Variants in ECE1 observed in about 807,000 individuals in gnomAD.
ECE1 encodes the protein endothelin-converting enzyme 1.
Under a neutral mutation model 98.6 loss-of-function variants are expected in ECE1, and 35 were observed. The ratio of observed to expected loss-of-function variants is 0.35; its 90% CI spans 0.27 to 0.47. ECE1 has a LOEUF of 0.47. Among genes scored for constraint, ECE1 ranks in the 20% least tolerant of loss-of-function variants. ECE1 has a pLI of 1.00. For missense variants in ECE1, 814 were observed against 1,025.3 expected (o/e 0.79, Z 2.81); for synonymous variants, 394 against 407.1 (o/e 0.97, Z 0.39).
intron 4 of ECE1, among the ~76,000 whole-genome samples, chr1:21,265,114 C>T (rs2098232227): frequency 6.6e-6 from 1 of 152,204 alleles, no homozygotes; most frequent in Admixed American, 6.5e-5. Context: ...AAAAGACTGT[C>T]TTATTCCTAC....
intron 1 of ECE1, among the ~76,000 whole-genome samples, chr1:21,297,530 C>CTTTTTTTTTTTT (rs768958507): frequency 2.6e-5 from 3 of 116,194 alleles, no homozygotes; most frequent in African/African-American, 3.6e-5. Context: ...TTTTCTTTTT[C>CTTTTTTTTTTTT]TTTTTTTTTT....
In ECE1 at chr1:21,233,627, G is replaced by C. The variant is rs972354666; in HGVS notation, c.1601C>G (p.Ala534Gly). Residue 534 changes from alanine to glycine, a missense_variant, in exon 14 of 19, where the codon GCC (alanine) becomes GGC (glycine). This residue lies in a region of ECE1 where 452 missense variants were observed against 567.3 expected (regional missense o/e 0.80). Transcript: ENST00000374893. This position sits in a 1 kb window ranked among gnomAD's most constrained non-coding sequence, Gnocchi z 4.0. ...CCATGAGAAGTTGAAAAACCGCATG[G>C]CATTTTCAAAGTAGAGGTCTGGAAC... ...TAVPDLYFENAMRFFNFSWRV... is the reference protein window; with the variant it reads ...TAVPDLYFENGMRFFNFSWRV... 1.2e-5 allele frequency: 20 copies of C among 1,614,024 alleles called. No homozygotes were observed. The highest frequency in any genetic ancestry group is 1.7e-5 in the Non-Finnish European group (20 of 1,179,964).
chr1:21,269,156 C>G (rs961791408), intron 4 of ECE1, among the ~76,000 whole-genome samples: 12 of 152,224 alleles, frequency 7.9e-5, no homozygotes, highest in African/African-American at 2.7e-4. Context: ...CCTGCTGAAT[C>G]TGACAGTAGA....
intron 4 of ECE1, among the ~76,000 whole-genome samples, chr1:21,261,582 T>C (rs1198502205): frequency 6.6e-6 from 1 of 152,210 alleles, no homozygotes; most frequent in Non-Finnish European, 1.5e-5. Flanking sequence ...TCTGCATACC[T>C]GTGTCCACCA....
intron 1 of ECE1, among the ~76,000 whole-genome samples, chr1:21,344,320 G>A (rs893849773): frequency 1.3e-4 from 20 of 152,304 alleles, no homozygotes; most frequent in African/African-American, 4.3e-4. Context: ...GAAGTGGAGG[G>A]GCTGGATCAC....
At chr1:21,324,358 A>C (rs1334357900) in intron 1 of ECE1, among the ~76,000 whole-genome samples, 3 of 152,196 alleles carry the variant, frequency 2.0e-5, no homozygotes, top group Admixed American at 1.3e-4. Context: ...GCCCATCCCC[A>C]AGGGAGAAAC....
intron 10 of ECE1, among the ~76,000 whole-genome samples, chr1:21,242,951 CT>C (rs1558380593): frequency 6.6e-6 from 1 of 152,182 alleles, no homozygotes; most frequent in Non-Finnish European, 1.5e-5. Context: ...TGGCTCAGAA[CT>C]TTTTTATCTT....
rs550030657 is a variant in ECE1, at chr1:21,258,498, A to G, written c.762+195T>C. Reference sequence around the variant, plus strand: ...AGCACCCAAAGTTTCACCTGTATGCAGTGCCCATCTACGCAAGGCCAGCAG... The same window carrying G: ...AGCACCCAAAGTTTCACCTGTATGCGGTGCCCATCTACGCAAGGCCAGCAG... On this transcript the variant is annotated intron_variant, in intron 6 of 18. Coordinates refer to ENST00000374893, the MANE Select transcript of ECE1 (RefSeq NM_001397.3). The surrounding 1 kb of genome is among the most constrained non-coding windows in gnomAD (Gnocchi z 4.2). Among the ~76,000 whole-genome samples, 1 of 152,330 alleles carries G rather than the reference A, an allele frequency of 6.6e-6. No homozygotes were observed. Among genetic ancestry groups the G allele is most frequent in the Admixed American group, 6.5e-5 (1 of 15,304 alleles).
At chr1:21,312,016 G>C (rs550646336) in intron 1 of ECE1, among the ~76,000 whole-genome samples, 5 of 151,398 alleles carry the variant, frequency 3.3e-5, no homozygotes, top group Non-Finnish European at 7.4e-5. Context: ...CCAGCTACTG[G>C]GGAGGCTGAG....
intron 1 of ECE1, among the ~76,000 whole-genome samples, chr1:21,312,851 G>A (rs1638757948): frequency 6.6e-6 from 1 of 151,882 alleles, no homozygotes; most frequent in South Asian, 2.1e-4. Context: ...GCTAATAATA[G>A]CCCCACTCTC....
Position 21,238,243 on chromosome 1 carries a change from G to A in ECE1, c.1280C>T (p.Thr427Ile). The change falls in exon 11 of 19, where the codon ACC becomes ATC. Residue 427 changes from threonine (T) to isoleucine (I), a missense_variant and splice_region_variant. Physicochemically the swap from Thr to Ile is moderately conservative, Grantham distance 89. Transcript: ENST00000374893. ...FMEVMYGTKKTCLPRWKFCVS... is the reference protein window; with the variant it reads ...FMEVMYGTKKICLPRWKFCVS... ...GCAAAACTTCCAGCGAGGAAGACAGGTCTGGAAAACACAAGTCAGGGGGCT... is the reference window on the plus strand; with the variant it reads ...GCAAAACTTCCAGCGAGGAAGACAGATCTGGAAAACACAAGTCAGGGGGCT... The A allele has an allele frequency of 6.2e-7, 1 of 1,613,828 alleles. No homozygotes were observed. Among genetic ancestry groups the A allele is most frequent in the Non-Finnish European group, 8.5e-7 (1 of 1,179,798 alleles).
chr1:21,220,345 A>T lies in ECE1; in HGVS notation c.2137-214T>A, dbSNP rs1274936771. On this transcript the variant is annotated intron_variant, in intron 18 of 18. Coordinates refer to ENST00000374893, the MANE Select transcript of ECE1 (RefSeq NM_001397.3). The surrounding 1 kb of genome is among the most constrained non-coding windows in gnomAD (Gnocchi z 5.0). ...CCCCATCTCTACAAAAAATTAAAAAAAAAATTAACCAGGGATGGTGGTGTA... is the reference window on the plus strand; with the variant it reads ...CCCCATCTCTACAAAAAATTAAAAATAAAATTAACCAGGGATGGTGGTGTA... 6.6e-6 allele frequency among the ~76,000 whole-genome samples: 1 copy of T among 152,124 alleles called. No homozygotes were observed. The highest frequency in any genetic ancestry group is 1.5e-5 in the Non-Finnish European group (1 of 68,002).
At chr1:21,326,122 C>T (rs1350631336) in intron 1 of ECE1, among the ~76,000 whole-genome samples, 1 of 152,148 alleles carries the variant, frequency 6.6e-6, no homozygotes, top group Non-Finnish European at 1.5e-5. Context: ...CTCTCAGCCC[C>T]CATCCTTCTG....
Position 21,225,419 on chromosome 1 carries a change from C to G in ECE1, c.1871G>C (p.Gly624Ala). The G allele has an allele frequency of 6.2e-7, 1 of 1,614,168 alleles. No homozygotes were observed. Among genetic ancestry groups the G allele is most frequent in the Non-Finnish European group, 8.5e-7 (1 of 1,180,012 alleles). ...DDQGREYDKDGNLRPWWKNSS... is the reference protein window; with the variant it reads ...DDQGREYDKDANLRPWWKNSS... ...GTTCTTCCACCATGGCCGGAGGTTC[C>G]CGTCCTTGTCATACTCCCGTCCTGT... is the stretch of plus-strand genomic sequence containing the variant. The change falls in exon 17 of 19, where the codon GGG (glycine) becomes GCG (alanine). Residue 624 changes from glycine to alanine, a missense_variant. Around this residue, in one of 3 missense-constraint regions of ECE1, gnomAD observed 452 missense variants for 567.3 expected, o/e 0.80. Transcript: ENST00000374893. This position sits in a 1 kb window ranked among gnomAD's most constrained non-coding sequence, Gnocchi z 5.3.
At chr1:21,234,283 C>T (rs758553494) in intron 13 of ECE1, among the ~76,000 whole-genome samples, 4 of 151,756 alleles carry the variant, frequency 2.6e-5, no homozygotes, top group East Asian at 1.9e-4. Context: ...CCACCACGCC[C>T]GGCCACTAAT....
At chr1:21,255,188 A>G (rs1205893077) in intron 8 of ECE1, among the ~76,000 whole-genome samples, 1 of 152,140 alleles carries the variant, frequency 6.6e-6, no homozygotes, top group African/African-American at 2.4e-5. Context: ...CAAGGTAAGG[A>G]AGGAGGGAGA....
chr1:21,341,287 C>G (rs1468391273), intron 1 of ECE1, among the ~76,000 whole-genome samples: 1 of 152,222 alleles, frequency 6.6e-6, no homozygotes, highest in African/African-American at 2.4e-5. Context: ...GCCCCCATGC[C>G]TCGTGTTGTG....
chr1:21,328,500 G>A (rs1041186675), intron 1 of ECE1, among the ~76,000 whole-genome samples: 2 of 152,152 alleles, frequency 1.3e-5, no homozygotes, highest in African/African-American at 2.4e-5. Flanking sequence ...AGTGGCTCAC[G>A]CCTGTAATCC....
At position 21,345,213 on chromosome 1, in the gene ECE1, C is replaced by A; in HGVS notation, c.3+163G>T. The A allele has an allele frequency of 1.0e-6, 1 of 980,380 alleles. No homozygotes were observed. Among genetic ancestry groups the A allele is most frequent in the Non-Finnish European group, 1.3e-6 (1 of 784,448 alleles). The allele number at this position is 980,380 out of a possible 1,614,324, so 60.7% of individuals were successfully genotyped here. ...GGGAGAGCCGCGCTCTGCCCGGGCG[C>A]TCCCCGACTCCACGCCTTCCGAGAG... On this transcript the variant is annotated intron_variant, in intron 1 of 18. Coordinates refer to the ECE1 transcript ENST00000415912. This position sits in a 1 kb window ranked among gnomAD's most constrained non-coding sequence, Gnocchi z 5.1.
Sources: allele counts gnomAD v4.1 joint callset (sites outside exome capture counted in the v4.1 genomes callset), GRCh38; gene constraint gnomAD v4.1.1; regional missense constraint gnomAD v4.1.1; non-coding constraint Gnocchi (gnomAD v3.1); transcripts MANE v1.5; gene names NCBI Gene and HGNC (gene_info 2026-07-23, HGNC 2026-07-21).